Variants in MOSMO observed in about 807,000 individuals in gnomAD.
MOSMO encodes the protein modulator of smoothened, also known as modulator of smoothened protein.
In MOSMO, 5 loss-of-function variants were observed where a neutral mutation model predicts 18.4. The observed-to-expected ratio is 0.27, with a 90% CI of 0.14 to 0.57. MOSMO has a LOEUF of 0.57. Among genes scored for constraint, MOSMO ranks in the 20% least tolerant of loss-of-function variants. The pLI, the probability that MOSMO is intolerant of heterozygous loss-of-function variation, is 0.92. For synonymous variants in MOSMO, 82 were observed against 82.3 expected (o/e 1.00, Z 0.02); for missense variants, 138 against 211.8 (o/e 0.65, Z 2.16).
chr16:22,085,144 C>G (rs1901147202), downstream of MOSMO: 1 of 152,200 alleles, frequency 6.6e-6, no homozygotes, highest in African/African-American at 2.4e-5. Context: ...CACAGCTTAA[C>G]TATAGCTCTC....
chr16:22,054,829 TCA>T (rs898774429), intron 1 of MOSMO, among the ~76,000 whole-genome samples: 3 of 152,154 alleles, frequency 2.0e-5, no homozygotes, highest in African/African-American at 7.2e-5. Flanking sequence ...TTAAGACTGT[TCA>T]CAGATTTTTT....
intron 1 of MOSMO, among the ~76,000 whole-genome samples, chr16:22,070,832 C>CA (rs1415759833): frequency 6.6e-6 from 1 of 152,142 alleles, no homozygotes; most frequent in African/African-American, 2.4e-5. Flanking sequence ...TGCTTCTACT[C>CA]ATTCAGAGGG....
chr16:22,027,043 A>G (rs1899890665), intron 1 of MOSMO, among the ~76,000 whole-genome samples: 1 of 152,210 alleles, frequency 6.6e-6, no homozygotes, highest in South Asian at 2.1e-4. Flanking sequence ...ATTCTATGTA[A>G]TATACTAGAG....
intron 1 of MOSMO, among the ~76,000 whole-genome samples, chr16:22,023,981 T>C (rs1385752325): frequency 1.9e-5 from 2 of 107,004 alleles, no homozygotes; most frequent in Admixed American, 1.7e-4. Context: ...CATGCTGCTA[T>C]AGAATTTTGT....
At position 22,036,402 on chromosome 16, in the gene MOSMO, A is replaced by G. The variant is rs557667900; in HGVS notation, c.106+27995A>G. Among the ~76,000 whole-genome samples, 14 of 152,332 alleles carry G rather than the reference A, an allele frequency of 9.2e-5. 1 individual carries two copies. The South Asian group carries it at 2.9e-3, about 32-fold the overall frequency. On this transcript the variant is annotated intron_variant, in intron 1 of 2. Coordinates refer to ENST00000542527, the MANE Select transcript of MOSMO (RefSeq NM_001164579.2). ...CAGCCTCCCAAAGTGCTGGGATTAC[A>G]GGCATGAGCCACTGCGCCTGGCCTA... is the stretch of plus-strand genomic sequence containing the variant.
chr16:22,066,185 C>T (rs914572976), intron 1 of MOSMO, among the ~76,000 whole-genome samples: 14 of 152,200 alleles, frequency 9.2e-5, no homozygotes, highest in South Asian at 2.1e-4. Flanking sequence ...ACTATTTGAT[C>T]GGTCTGGCAG....
chr16:22,051,296 G>A (rs745595682), intron 1 of MOSMO, among the ~76,000 whole-genome samples: 1 of 151,872 alleles, frequency 6.6e-6, no homozygotes, highest in Non-Finnish European at 1.5e-5. Context: ...GCCAAGGCAG[G>A]AGGATCACTT....
intron 1 of MOSMO, among the ~76,000 whole-genome samples, chr16:22,062,303 ATTTC>A (rs980811920): frequency 6.6e-6 from 1 of 151,822 alleles, no homozygotes; most frequent in African/African-American, 2.4e-5. Flanking sequence ...TGTTTCTCTT[ATTTC>A]TTTTTTTTCT....
downstream of MOSMO, chr16:22,092,475 TGCAG>T: frequency 1.3e-6 from 1 of 767,454 alleles, no homozygotes; most frequent in Admixed American, 2.9e-5. Flanking sequence ...TGCCCCGAGC[TGCAG>T]TGGTGCAGTC....
intron 1 of MOSMO, among the ~76,000 whole-genome samples, chr16:22,050,535 A>G (rs1401830518): frequency 1.3e-5 from 2 of 152,134 alleles, no homozygotes; most frequent in Non-Finnish European, 2.9e-5. Flanking sequence ...GGCCAGGGAT[A>G]CTGCTACACA....
chr16:22,050,333 C>A (rs952914770), intron 1 of MOSMO, among the ~76,000 whole-genome samples: 2 of 152,002 alleles, frequency 1.3e-5, no homozygotes, highest in Non-Finnish European at 2.9e-5. Context: ...AGGTTAAATA[C>A]AATTGGTTAG....
At chr16:22,026,215 C>CTTT (rs1230886620) in intron 1 of MOSMO, among the ~76,000 whole-genome samples, 11 of 122,116 alleles carry the variant, frequency 9.0e-5, no homozygotes, top group South Asian at 2.6e-4. Flanking sequence ...GAATTGCATT[C>CTTT]TTTTTTTTTT....
chr16:22,016,056 A>C (rs1899629764), intron 1 of MOSMO, among the ~76,000 whole-genome samples: 1 of 152,200 alleles, frequency 6.6e-6, no homozygotes, highest in Non-Finnish European at 1.5e-5. Flanking sequence ...TGTTCTGCTT[A>C]GTGTGACCAA....
At chr16:22,065,382 T>C (rs1253145803) in intron 1 of MOSMO, among the ~76,000 whole-genome samples, 1 of 152,230 alleles carries the variant, frequency 6.6e-6, no homozygotes, top group Non-Finnish European at 1.5e-5. Flanking sequence ...TCTCCAGGCT[T>C]CCGGCATTGG....
chr16:22,084,916 C>A (rs1042491258), downstream of MOSMO, among the ~76,000 whole-genome samples: 2 of 152,204 alleles, frequency 1.3e-5, no homozygotes, highest in African/African-American at 4.8e-5. Flanking sequence ...ATACATGTGG[C>A]TTTCCCTTCT....
At chr16:22,024,170 G>C (rs115113836) in intron 1 of MOSMO, among the ~76,000 whole-genome samples, 3,216 of 151,708 alleles carry the variant, frequency 0.021, 138 homozygotes, top group African/African-American at 0.073. Context: ...AGTTTCTTTG[G>C]TATATTATAT....
chr16:22,020,841 A>T (rs1899746652), intron 1 of MOSMO, among the ~76,000 whole-genome samples: 1 of 152,222 alleles, frequency 6.6e-6, no homozygotes, highest in Non-Finnish European at 1.5e-5. Flanking sequence ...TTCAAAGCTT[A>T]CAGCATTCCT....
At chr16:22,054,240 C>T (rs1490649350) in intron 1 of MOSMO, among the ~76,000 whole-genome samples, 2 of 152,020 alleles carry the variant, frequency 1.3e-5, no homozygotes, top group Non-Finnish European at 2.9e-5. Context: ...GGACTACAGG[C>T]ACATGCCACC....
At chr16:22,050,313 G>T (rs1900396442) in intron 1 of MOSMO, among the ~76,000 whole-genome samples, 1 of 152,150 alleles carries the variant, frequency 6.6e-6, no homozygotes, top group Non-Finnish European at 1.5e-5. Flanking sequence ...ATGTTTTAGA[G>T]ATACCTTTCA....
Sources: gnomAD v4.1 joint callset for allele counts (sites outside exome capture counted in the v4.1 genomes callset) on GRCh38, gnomAD v4.1.1 for gene constraint, MANE v1.5 for transcripts, NCBI Gene and HGNC (gene_info 2026-07-23, HGNC 2026-07-21) for gene names.